The following EYS variants were observed in gnomAD, a reference collection of about 807,000 sequenced individuals.
EYS encodes the protein protein eyes shut homolog.
In EYS, 250 loss-of-function variants were observed where a neutral mutation model predicts 282.1. The ratio of observed to expected loss-of-function variants is 0.89; its 90% CI spans 0.80 to 0.98. The LOEUF is 0.98. Among genes scored for constraint, EYS ranks in the 50% least tolerant of loss-of-function variants. The probability of loss-of-function intolerance (pLI) is 0.00; values close to 1 mark genes in which losing one functional copy is unlikely to be tolerated. For missense variants in EYS, 4,016 were observed against 3,709.0 expected (o/e 1.08, Z -2.15); for synonymous variants, 1,355 against 1,282.9 (o/e 1.06, Z -1.20).
rs146241665 is a variant in EYS, at chr6:63,756,199, T to C, written c.8071+6262A>G. On this transcript the variant is annotated intron_variant, in intron 41 of 42. Transcript: ENST00000503581. ...AGTGGTGAGAGAGAGCATCCTTGTC[T>C]TGTGCCGGTTTTCAAAGGGAATGCT... Among the ~76,000 whole-genome samples, 1,257 of 152,332 alleles carry C rather than the reference T, an allele frequency of 8.3e-3. 3 individuals are homozygous for C. The highest frequency in any genetic ancestry group is 0.037 in the Middle Eastern group (11 of 294).
chr6:64,735,378 C>T lies in EYS; in HGVS notation c.3443+78000G>A, dbSNP rs568075324. 1.5e-4 allele frequency among the ~76,000 whole-genome samples: 23 copies of T among 152,266 alleles called. No homozygotes were observed. In the South Asian group the frequency reaches 3.3e-3, roughly 22 times the overall value. Reference sequence around the variant, plus strand: ...GATTACAGGCGTGAACCACCGTGCCCGGCCAGTTTTCTGACCTTTTTTTCT... The same window carrying T: ...GATTACAGGCGTGAACCACCGTGCCTGGCCAGTTTTCTGACCTTTTTTTCT... On this transcript the variant is annotated intron_variant, in intron 22 of 42. Transcript: ENST00000503581.
intron 22 of EYS, among the ~76,000 whole-genome samples, chr6:64,723,547 A>G (rs1257353868): frequency 6.6e-6 from 1 of 152,314 alleles, no homozygotes; most frequent in African/African-American, 2.4e-5. Context: ...CTCTCTTCAC[A>G]TTATTGATCC....
At chr6:64,414,878 A>G (rs906243196) in intron 28 of EYS, among the ~76,000 whole-genome samples, 2 of 152,204 alleles carry the variant, frequency 1.3e-5, no homozygotes, top group African/African-American at 4.8e-5. Flanking sequence ...GAATACATAA[A>G]AATAGTAAAA....
At chr6:64,526,316 C>T (rs1284151009) in intron 26 of EYS, among the ~76,000 whole-genome samples, 1 of 151,652 alleles carries the variant, frequency 6.6e-6, no homozygotes, top group African/African-American at 2.4e-5. Context: ...TATAGTACTG[C>T]ATAACATTAC....
At chr6:65,455,525 A>C (rs543691037) in intron 5 of EYS, among the ~76,000 whole-genome samples, 1 of 152,270 alleles carries the variant, frequency 6.6e-6, no homozygotes, top group Non-Finnish European at 1.5e-5. Context: ...ACTAAAAAAA[A>C]CGAGAGAAGA....
intron 14 of EYS, among the ~76,000 whole-genome samples, chr6:64,948,233 T>A (rs994142315): frequency 2.0e-5 from 3 of 151,210 alleles, no homozygotes; most frequent in African/African-American, 7.3e-5. Context: ...AGAACAAAAG[T>A]GCATAGCAAC....
chr6:65,553,295 A>C (rs571531437), intron 2 of EYS, among the ~76,000 whole-genome samples: 1 of 152,308 alleles, frequency 6.6e-6, no homozygotes, highest in East Asian at 1.9e-4. Flanking sequence ...AGGCAACAGA[A>C]GATCACAGCA....
chr6:64,852,278 A>T (rs957615010), intron 19 of EYS, among the ~76,000 whole-genome samples: 1 of 152,112 alleles, frequency 6.6e-6, no homozygotes, highest in Admixed American at 6.6e-5. Context: ...CCCACCCTTA[A>T]TCTGGGTGGG....
chr6:64,111,469 A>G (rs1562206616), intron 31 of EYS, among the ~76,000 whole-genome samples: 1 of 152,054 alleles, frequency 6.6e-6, no homozygotes, highest in African/African-American at 2.4e-5. Flanking sequence ...GATGATCTGA[A>G]AGTTTTGAAA....
intron 30 of EYS, among the ~76,000 whole-genome samples, chr6:64,278,326 A>C (rs957024343): frequency 6.6e-6 from 1 of 152,138 alleles, no homozygotes; most frequent in African/African-American, 2.4e-5. Context: ...TATATTAATA[A>C]TATGTTTTCT....
At chr6:65,585,037 A>C (rs1221210088) in intron 2 of EYS, among the ~76,000 whole-genome samples, 1 of 151,794 alleles carries the variant, frequency 6.6e-6, no homozygotes, top group Non-Finnish European at 1.5e-5. Context: ...TTACAAGATA[A>C]AAGTGTGGTC....
chr6:65,163,261 T>C (rs1764894088), intron 12 of EYS, among the ~76,000 whole-genome samples: 1 of 151,304 alleles, frequency 6.6e-6, no homozygotes, highest in Admixed American at 6.6e-5. Flanking sequence ...TACAAAACTT[T>C]AGTTTTGAAA....
chr6:64,301,220 T>C (rs1769220754), intron 30 of EYS, among the ~76,000 whole-genome samples: 1 of 152,224 alleles, frequency 6.6e-6, no homozygotes. Context: ...CAGAATTTAC[T>C]AGGCGATATT....
At chr6:65,185,895 T>C (rs1765505541) in intron 12 of EYS, among the ~76,000 whole-genome samples, 1 of 151,774 alleles carries the variant, frequency 6.6e-6, no homozygotes, top group Non-Finnish European at 1.5e-5. Context: ...TTTTACTATG[T>C]CCATGATATA....
At chr6:64,948,837 C>T (rs976547226) in intron 14 of EYS, among the ~76,000 whole-genome samples, 13 of 151,474 alleles carry the variant, frequency 8.6e-5, no homozygotes, top group African/African-American at 3.1e-4. Context: ...TTGGATAAAA[C>T]AGTAGTTTGA....
intron 29 of EYS, among the ~76,000 whole-genome samples, chr6:64,330,552 A>G (rs1056408976): frequency 6.6e-6 from 1 of 152,184 alleles, no homozygotes; most frequent in African/African-American, 2.4e-5. Flanking sequence ...ATGAAAGAAA[A>G]GGAATAGCTA....
At position 65,365,244 on chromosome 6, in the gene EYS, A is replaced by G. The variant is rs1259310851; in HGVS notation, c.1300-11627T>C. Among the ~76,000 whole-genome samples, 3 of 151,732 alleles carry G rather than the reference A, an allele frequency of 2.0e-5. 1 individual carries two copies. The highest frequency in any genetic ancestry group is 7.2e-5 in the African/African-American group (3 of 41,428). On this transcript the variant is annotated intron_variant, in intron 8 of 42. Transcript: ENST00000503581. ...CCAAAATACAATAGCAACAACCAAC[A>G]AAAAACTCACTCATATTTTTCCAGG...
intron 12 of EYS, among the ~76,000 whole-genome samples, chr6:65,201,402 A>C (rs1765897326): frequency 6.6e-6 from 1 of 152,170 alleles, no homozygotes; most frequent in Non-Finnish European, 1.5e-5. Flanking sequence ...ATATTTTAAT[A>C]ATGTAACTAA....
chr6:64,141,853 G>A (rs1201736161), intron 31 of EYS, among the ~76,000 whole-genome samples: 4 of 151,980 alleles, frequency 2.6e-5, no homozygotes, highest in Non-Finnish European at 5.9e-5. Flanking sequence ...CATACTTGCC[G>A]CATATTTATA....
Sources: gnomAD v4.1 joint callset for allele counts (sites outside exome capture counted in the v4.1 genomes callset) on GRCh38, gnomAD v4.1.1 for gene constraint, MANE v1.5 for transcripts, NCBI Gene and HGNC (gene_info 2026-07-23, HGNC 2026-07-21) for gene names.